BASP1: variants seen among roughly 807,000 people sequenced by gnomAD.
The protein encoded by BASP1 is brain abundant membrane attached signal protein 1.
In BASP1, 1 loss-of-function variant was observed where a neutral mutation model predicts 2.2. That is an observed-to-expected ratio of 0.46 (90% CI 0.16 to 2.17). The LOEUF (loss-of-function observed/expected upper bound fraction) is 2.17. BASP1 is among the 30% of genes most tolerant of loss of function. The pLI is 0.27. For missense variants in BASP1, 352 were observed against 327.2 expected, an observed-to-expected ratio of 1.08 and a Z score of -0.58; for synonymous variants, 187 against 154.2, an observed-to-expected ratio of 1.21 and a Z score of -1.58.
chr5:17,253,195 G>A (rs902960720), intron 1 of BASP1, among the ~76,000 whole-genome samples: 6 of 151,948 alleles, frequency 3.9e-5, no homozygotes, highest in African/African-American at 1.5e-4. Context: ...TCTCTGTAAT[G>A]ATTATTTATT....
chr5:17,244,141 T>C (rs1739929797), intron 1 of BASP1, among the ~76,000 whole-genome samples: 1 of 152,222 alleles, frequency 6.6e-6, no homozygotes, highest in Non-Finnish European at 1.5e-5. Flanking sequence ...ATACGTATTG[T>C]ACATTCTCGG....
upstream of BASP1, chr5:17,217,093 A>AGAGAGT (rs1561160799): frequency 1.4e-5 from 2 of 139,466 alleles, no homozygotes; most frequent in African/African-American, 5.7e-5. Flanking sequence ...AGAGAGAGAG[A>AGAGAGT]GAGTGAGTGA....
At chr5:17,240,133 GATAA>G (rs55977756) in intron 1 of BASP1, among the ~76,000 whole-genome samples, 34,051 of 145,916 alleles carry the variant, frequency 0.23, 4,366 homozygotes, top group East Asian at 0.38. Context: ...TAAAAATAAA[GATAA>G]ATAAATAAAT....
At chr5:17,224,322 G>T (rs777646946) in intron 1 of BASP1, among the ~76,000 whole-genome samples, 52 of 152,228 alleles carry the variant, frequency 3.4e-4, no homozygotes, top group Middle Eastern at 6.8e-3. Flanking sequence ...TTCACTGTAA[G>T]GAAGGGGATT....
intron 1 of BASP1, among the ~76,000 whole-genome samples, chr5:17,263,655 A>G (rs970345150): frequency 7.9e-5 from 12 of 152,132 alleles, no homozygotes; most frequent in Non-Finnish European, 1.5e-5. Context: ...TGTAGATCCA[A>G]CTCATCTGGA....
intron 1 of BASP1, among the ~76,000 whole-genome samples, chr5:17,234,656 G>A (rs1440982089): frequency 6.6e-6 from 1 of 152,188 alleles, no homozygotes; most frequent in Non-Finnish European, 1.5e-5. Flanking sequence ...GTTTATTGAT[G>A]GAGTTGGGAG....
At chr5:17,265,748 C>T (rs1561176409) in intron 1 of BASP1, among the ~76,000 whole-genome samples, 1 of 152,192 alleles carries the variant, frequency 6.6e-6, no homozygotes, top group African/African-American at 2.4e-5. Flanking sequence ...TGATAGTTCT[C>T]AGAAACCTCA....
chr5:17,238,600 C>T (rs1234996311), intron 1 of BASP1, among the ~76,000 whole-genome samples: 7 of 152,180 alleles, frequency 4.6e-5, no homozygotes, highest in Admixed American at 4.6e-4. Context: ...ACTGAGGCAT[C>T]ACCGCATTCA....
chr5:17,243,968 A>G (rs1437791435), intron 1 of BASP1, among the ~76,000 whole-genome samples: 1 of 152,270 alleles, frequency 6.6e-6, no homozygotes, highest in Non-Finnish European at 1.5e-5. Flanking sequence ...GAAATTGGAT[A>G]AAGATAATTT....
Position 17,275,522 on chromosome 5 carries a change from G to A in BASP1, c.306G>A (p.Lys102=). Residue 102 remains lysine (K), a synonymous_variant, in exon 2 of 2, where the codon AAG becomes AAA. Transcript: ENST00000322611. This position sits in a 1 kb window ranked among gnomAD's most constrained non-coding sequence, Gnocchi z 5.3. ...CAGAGGCCAAGGCTGAGCCCCCGAA[G>A]GCGCCCGAGCAGGAGCAGGCGGCCC... ...GAAEAKAEPP[K]APEQEQAAPG... 2 of 1,440,850 alleles carry A rather than the reference G, an allele frequency of 1.4e-6. No individual in the cohort carries two copies. Among genetic ancestry groups the A allele is most frequent in the South Asian group, 1.5e-5 (1 of 67,406 alleles). The allele number at this position is 1,440,850 out of a possible 1,614,324, so 89.3% of individuals were successfully genotyped here.
In BASP1 at chr5:17,232,513, G is replaced by A. The variant is rs187073712; in HGVS notation, c.-10+14703G>A. 2.1e-3 allele frequency among the ~76,000 whole-genome samples: 317 copies of A among 152,298 alleles called. 2 individuals carry two copies. Among genetic ancestry groups the A allele is most frequent in the Non-Finnish European group, 2.2e-3 (152 of 68,032 alleles). ...GTGAGTTCTACGAGGTTAGGACCTTGCTTTGTTCATCTTTGGATGTCAGTT... is the reference window on the plus strand; with the variant it reads ...GTGAGTTCTACGAGGTTAGGACCTTACTTTGTTCATCTTTGGATGTCAGTT... On this transcript the variant is annotated intron_variant, in intron 1 of 1. Transcript: ENST00000322611.
In BASP1 at chr5:17,236,265, T is replaced by A. The variant is rs1739742813; in HGVS notation, c.-10+18455T>A. ...TGGGCAGGTTATCCAGAGAGCGAGTTTCTTTTCTTTTTTTTGGGATGGAGT... is the reference window on the plus strand; with the variant it reads ...TGGGCAGGTTATCCAGAGAGCGAGTATCTTTTCTTTTTTTTGGGATGGAGT... On this transcript the variant is annotated intron_variant, in intron 1 of 1. Coordinates refer to ENST00000322611, the MANE Select transcript of BASP1 (RefSeq NM_006317.5). The surrounding 1 kb of genome is among the most constrained non-coding windows in gnomAD (Gnocchi z 4.0). Among the ~76,000 whole-genome samples the A allele has an allele frequency of 6.6e-6, 1 of 152,090 alleles. No individual in the cohort carries two copies. The highest frequency in any genetic ancestry group is 6.6e-5 in the Admixed American group (1 of 15,266).
At chr5:17,241,202 C>T (rs1425534861) in intron 1 of BASP1, among the ~76,000 whole-genome samples, 6 of 151,520 alleles carry the variant, frequency 4.0e-5, no homozygotes, top group East Asian at 1.9e-4. Flanking sequence ...CAGATTCAAG[C>T]GATTCTTGTG....
chr5:17,269,184 G>T (rs1740483540), intron 1 of BASP1, among the ~76,000 whole-genome samples: 1 of 152,208 alleles, frequency 6.6e-6, no homozygotes, highest in Admixed American at 6.5e-5. Context: ...GCATGAAGAA[G>T]TTAGAGAAAC....
intron 1 of BASP1, among the ~76,000 whole-genome samples, chr5:17,227,604 A>C (rs1337341268): frequency 1.3e-5 from 2 of 151,900 alleles, no homozygotes; most frequent in Non-Finnish European, 2.9e-5. Context: ...GGGTTTCACT[A>C]TATTGGCCAG....
At chr5:17,255,192 G>A (rs1025324296) in intron 1 of BASP1, among the ~76,000 whole-genome samples, 6 of 152,108 alleles carry the variant, frequency 3.9e-5, no homozygotes, top group South Asian at 2.1e-4. Flanking sequence ...CTGGAATTTT[G>A]GAGATGAAGT....
Position 17,275,944 on chromosome 5 carries a change from CCTCTCTCT to C in BASP1, c.*63_*70del, listed in dbSNP as rs59080603. On this transcript the variant is annotated 3_prime_UTR_variant, in exon 2 of 2. Coordinates refer to ENST00000322611, the MANE Select transcript of BASP1 (RefSeq NM_006317.5). The surrounding 1 kb of genome is among the most constrained non-coding windows in gnomAD (Gnocchi z 5.3). ...AAAACAATACCACTTAAAACAATCT[CCTCTCTCT>C]CTCTCTCTCTCTCTCTCTATCTCTC... 1,090 of 1,083,046 alleles carry C rather than the reference CCTCTCTCT, an allele frequency of 1.0e-3. No homozygotes were observed. Among genetic ancestry groups the C allele is most frequent in the Admixed American group, 3.9e-3 (116 of 29,982 alleles). 67.1% of individuals were successfully genotyped at this position (1,083,046 alleles called of 1,614,324 possible).
intron 1 of BASP1, among the ~76,000 whole-genome samples, chr5:17,228,829 A>T (rs1739569197): frequency 6.6e-6 from 1 of 152,186 alleles, no homozygotes; most frequent in African/African-American, 2.4e-5. Flanking sequence ...CTAAAGCGGG[A>T]TTCTTTGTCT....
At chr5:17,252,598 G>A (rs767191533) in intron 1 of BASP1, among the ~76,000 whole-genome samples, 2 of 152,272 alleles carry the variant, frequency 1.3e-5, no homozygotes, top group Admixed American at 6.5e-5. Context: ...GACCTGGTAC[G>A]TGCTGTGTAG....
Sources: allele counts gnomAD v4.1 joint callset (sites outside exome capture counted in the v4.1 genomes callset), GRCh38; gene constraint gnomAD v4.1.1; non-coding constraint Gnocchi (gnomAD v3.1); transcripts MANE v1.5; gene names NCBI Gene and HGNC (gene_info 2026-07-23, HGNC 2026-07-21).